Variants in TEX9 observed in about 807,000 individuals in gnomAD.
The protein encoded by TEX9 is testis expressed 9, also known as testis-expressed protein 9.
TEX9 carries 74 observed loss-of-function variants against 59.6 expected under a neutral mutation model. The observed-to-expected ratio is 1.24, with a 90% CI of 1.03 to 1.51. The LOEUF is 1.51. Ranked by LOEUF, TEX9 falls within the 40% of genes most tolerant of loss-of-function variation. The pLI is 0.00. For synonymous variants in TEX9, 186 were observed against 152.2 expected (o/e 1.22, Z -1.64); for missense variants, 522 against 447.8 (o/e 1.17, Z -1.49).
chr15:56,382,884 C>T (rs1274835628), intron 3 of TEX9, among the ~76,000 whole-genome samples: 1 of 152,162 alleles, frequency 6.6e-6, no homozygotes, highest in African/African-American at 2.4e-5. Flanking sequence ...TTGGTGTTTT[C>T]CTAGGTCACA....
chr15:56,414,286 G>T (rs1461318453), intron 10 of TEX9, among the ~76,000 whole-genome samples: 1 of 151,538 alleles, frequency 6.6e-6, no homozygotes, highest in Non-Finnish European at 1.5e-5. Flanking sequence ...ACATGTGAAG[G>T]TTGCATAGGT....
At chr15:56,340,070 T>C (rs763683927) in intron 1 of TEX9, among the ~76,000 whole-genome samples, 5 of 152,182 alleles carry the variant, frequency 3.3e-5, no homozygotes, top group African/African-American at 4.8e-5. Context: ...GCCTGTATCA[T>C]TGACGTCTTC....
chr15:56,342,491 A>T (rs1297021558), intron 1 of TEX9, among the ~76,000 whole-genome samples: 1 of 152,182 alleles, frequency 6.6e-6, no homozygotes, highest in Non-Finnish European at 1.5e-5. Context: ...AGAAGAGCAA[A>T]CATTATGGTT....
chr15:56,370,580 T>C (rs1336512886), intron 2 of TEX9, among the ~76,000 whole-genome samples: 2 of 152,308 alleles, frequency 1.3e-5, no homozygotes, highest in East Asian at 3.9e-4. Flanking sequence ...TATTGTCTGT[T>C]GGTAATATAA....
intron 6 of TEX9, among the ~76,000 whole-genome samples, chr15:56,389,624 T>C (rs1160276177): frequency 1.3e-5 from 2 of 151,944 alleles, no homozygotes; most frequent in South Asian, 2.1e-4. Context: ...TTAAGCAAAA[T>C]TGCTAAATCT....
upstream of TEX9, among the ~76,000 whole-genome samples, chr15:56,364,019 A>G (rs913329973): frequency 1.3e-5 from 2 of 151,950 alleles, no homozygotes; most frequent in Non-Finnish European, 2.9e-5. Flanking sequence ...TAGTCCAGAC[A>G]CAAGTTATTT....
chr15:56,415,397 T>TGA (rs1215098707), intron 10 of TEX9, among the ~76,000 whole-genome samples: 1 of 151,936 alleles, frequency 6.6e-6, no homozygotes, highest in Non-Finnish European at 1.5e-5. Context: ...TAGTTCATCT[T>TGA]GAGTTGGTCT....
In TEX9 at chr15:56,267,029, G is replaced by C. The variant is rs563374276; in HGVS notation, c.-107+22751G>C. ...TAATGATTGCCATTCTAACTGGTGTGAGATGGTATCTCATTGTGGTTTTGA... is the reference window on the plus strand; with the variant it reads ...TAATGATTGCCATTCTAACTGGTGTCAGATGGTATCTCATTGTGGTTTTGA... On this transcript the variant is annotated intron_variant, in intron 1 of 5. Coordinates refer to the TEX9 transcript ENST00000560827. Among the ~76,000 whole-genome samples, 249 of 152,318 alleles carry C rather than the reference G, an allele frequency of 1.6e-3. 1 individual carries two copies. The highest frequency in any genetic ancestry group is 1.1e-3 in the Non-Finnish European group (74 of 68,022).
chr15:56,373,356 G>A (rs2682037), intron 2 of TEX9, 85 bp from the exon 3 acceptor site: 15,364 of 1,290,036 alleles, frequency 0.012, 558 homozygotes, highest in East Asian at 0.1. Context: ...TGTTGATTAC[G>A]TCACTTGATA....
chr15:56,382,221 G>A (rs1472265010), intron 3 of TEX9, among the ~76,000 whole-genome samples: 2 of 152,106 alleles, frequency 1.3e-5, no homozygotes. Context: ...AGGTCGTGGT[G>A]AATGTTGCCA....
chr15:56,362,564 T>C (rs2046808783), upstream of TEX9, among the ~76,000 whole-genome samples: 2 of 152,262 alleles, frequency 1.3e-5, no homozygotes, highest in South Asian at 4.1e-4. Context: ...GAGTGATTTA[T>C]TTCACATATC....
chr15:56,369,139 T>C (rs539152872), intron 2 of TEX9, among the ~76,000 whole-genome samples: 2 of 152,240 alleles, frequency 1.3e-5, no homozygotes, highest in East Asian at 3.9e-4. Context: ...TAGAAGTGTG[T>C]TTTTTAGTTT....
intron 1 of TEX9, among the ~76,000 whole-genome samples, chr15:56,344,322 A>G (rs1242331598): frequency 6.6e-6 from 1 of 152,220 alleles, no homozygotes; most frequent in African/African-American, 2.4e-5. Flanking sequence ...ATATAATGGA[A>G]TATTATTTAC....
chr15:56,285,475 A>G (rs2044931716), intron 1 of TEX9, among the ~76,000 whole-genome samples: 1 of 152,262 alleles, frequency 6.6e-6, no homozygotes, highest in East Asian at 1.9e-4. Flanking sequence ...CTCTCCTCCC[A>G]TTTGGGATTT....
At chr15:56,448,202 A>G (rs564801745), downstream of TEX9, among the ~76,000 whole-genome samples, 1 of 152,346 alleles carries the variant, frequency 6.6e-6, no homozygotes, top group African/African-American at 2.4e-5. Context: ...ATGCACGTTC[A>G]GCGTTTTAAG....
At chr15:56,361,927 G>T (rs12905782), upstream of TEX9, among the ~76,000 whole-genome samples, 2 of 147,196 alleles carry the variant, frequency 1.4e-5, no homozygotes, top group African/African-American at 5.4e-5. Flanking sequence ...GATACTTCTA[G>T]CCTGGTTTTG....
At chr15:56,311,389 C>T (rs1171415921) in intron 1 of TEX9, among the ~76,000 whole-genome samples, 19 of 140,728 alleles carry the variant, frequency 1.4e-4, no homozygotes, top group African/African-American at 3.7e-4. Flanking sequence ...TGAGAATATG[C>T]GGTGTTTGGT....
At chr15:56,246,274 C>G (rs912496664) in intron 1 of TEX9, among the ~76,000 whole-genome samples, 1 of 152,114 alleles carries the variant, frequency 6.6e-6, no homozygotes, top group Non-Finnish European at 1.5e-5. Context: ...TTCCGGCCTT[C>G]CAGGACCTAC....
chr15:56,316,671 G>A (rs1596083983), intron 1 of TEX9, among the ~76,000 whole-genome samples: 8 of 152,300 alleles, frequency 5.3e-5, no homozygotes, highest in Admixed American at 5.2e-4. Context: ...GCTGTGGTGG[G>A]CTCCACCCAG....
Sources: gnomAD v4.1 joint callset for allele counts (sites outside exome capture counted in the v4.1 genomes callset) on GRCh38, gnomAD v4.1.1 for gene constraint, MANE v1.5 for transcripts, NCBI Gene and HGNC (gene_info 2026-07-23, HGNC 2026-07-21) for gene names.